CREB5: variants seen among roughly 807,000 people sequenced by gnomAD.
The protein encoded by CREB5 is cAMP responsive element binding protein 5, also known as cyclic AMP-responsive element-binding protein 5.
Under a neutral mutation model 57.1 loss-of-function variants are expected in CREB5, and 19 were observed. The ratio of observed to expected loss-of-function variants is 0.33; its 90% CI spans 0.23 to 0.49. CREB5 has a LOEUF of 0.49. CREB5 is among the 20% of genes least tolerant of loss of function. The pLI is 0.99. For synonymous variants in CREB5, 238 were observed against 238.3 expected, an observed-to-expected ratio of 1.00 and a Z score of 0.01; for missense variants, 579 against 671.6, an observed-to-expected ratio of 0.86 and a Z score of 1.52.
intron 5 of CREB5, among the ~76,000 whole-genome samples, chr7:28,624,850 G>A (rs1797942625): frequency 6.6e-6 from 1 of 152,076 alleles, no homozygotes; most frequent in Non-Finnish European, 1.5e-5. Context: ...GTGAGTGCTT[G>A]GAGCATCAGC....
At chr7:28,638,321 G>A (rs1458150187) in intron 5 of CREB5, among the ~76,000 whole-genome samples, 1 of 83,422 alleles carries the variant, frequency 1.2e-5, no homozygotes, top group Non-Finnish European at 2.5e-5. Flanking sequence ...AGTGAGGGCT[G>A]GTTGCTAGGA....
chr7:28,552,226 C>G (rs928360790), intron 4 of CREB5, among the ~76,000 whole-genome samples: 1 of 152,060 alleles, frequency 6.6e-6, no homozygotes, highest in South Asian at 2.1e-4. Flanking sequence ...TTTGTAGAGA[C>G]GGGGTTTTGC....
intron 1 of CREB5, among the ~76,000 whole-genome samples, chr7:28,344,046 AT>A (rs375288903): frequency 0.014 from 1,849 of 136,282 alleles, 22 homozygotes; most frequent in African/African-American, 0.036. Context: ...GTTTTAATTG[AT>A]TTTTTTTTTT....
At chr7:28,462,841 G>T (rs1413198694) in intron 1 of CREB5, among the ~76,000 whole-genome samples, 1 of 151,912 alleles carries the variant, frequency 6.6e-6, no homozygotes, top group African/African-American at 2.4e-5. Flanking sequence ...TATATGATTT[G>T]CAAATATTTT....
intron 1 of CREB5, among the ~76,000 whole-genome samples, chr7:28,346,620 G>A (rs540253081): frequency 1.3e-5 from 2 of 152,352 alleles, no homozygotes; most frequent in African/African-American, 2.4e-5. Context: ...TGAGTTAGGG[G>A]AATCAGGAAT....
chr7:28,633,732 T>C (rs1468753027), intron 5 of CREB5, among the ~76,000 whole-genome samples: 1 of 152,090 alleles, frequency 6.6e-6, no homozygotes, highest in African/African-American at 2.4e-5. Flanking sequence ...AGAAGGAGGA[T>C]TATAAATGTG....
chr7:28,514,788 T>C (rs1792875616), intron 4 of CREB5, among the ~76,000 whole-genome samples: 2 of 152,200 alleles, frequency 1.3e-5, no homozygotes, highest in Non-Finnish European at 2.9e-5. Flanking sequence ...TGGCCCAAGG[T>C]TTTCAGAGGC....
chr7:28,534,126 A>G (rs1180872269), intron 4 of CREB5, among the ~76,000 whole-genome samples: 2 of 152,130 alleles, frequency 1.3e-5, no homozygotes, highest in East Asian at 3.9e-4. Flanking sequence ...TTTCCAGAAG[A>G]AAAAAATAAG....
intron 5 of CREB5, among the ~76,000 whole-genome samples, chr7:28,663,198 G>T (rs960643842): frequency 6.6e-6 from 1 of 151,534 alleles, no homozygotes; most frequent in Admixed American, 6.6e-5. Context: ...TAGAGGAAAA[G>T]CTCTCCCTTC....
intron 1 of CREB5, among the ~76,000 whole-genome samples, chr7:28,313,745 C>T (rs1232881051): frequency 6.6e-6 from 1 of 152,170 alleles, no homozygotes; most frequent in African/African-American, 2.4e-5. Context: ...ACGGTTTTAA[C>T]ACAGCTTTGT....
At chr7:28,726,376 A>G (rs1803339606) in intron 7 of CREB5, among the ~76,000 whole-genome samples, 1 of 152,108 alleles carries the variant, frequency 6.6e-6, no homozygotes, top group South Asian at 2.1e-4. Flanking sequence ...ATGTTAAGTG[A>G]ATTTGAATAT....
intron 5 of CREB5, among the ~76,000 whole-genome samples, chr7:28,693,742 TG>T (rs1801395873): frequency 6.6e-6 from 1 of 152,206 alleles, no homozygotes; most frequent in African/African-American, 2.4e-5. Flanking sequence ...ATTTATGAAA[TG>T]GAATTCATAA....
At chr7:28,611,489 T>TAAAAAAAAAAAAA (rs59192497) in intron 5 of CREB5, among the ~76,000 whole-genome samples, 28 of 47,982 alleles carry the variant, frequency 5.8e-4, no homozygotes, top group African/African-American at 2.4e-3. Flanking sequence ...CCATCTCTAC[T>TAAAAAAAAAAAAA]AAAAAAAAAA....
chr7:28,481,415 G>T (rs1426645539), intron 1 of CREB5, among the ~76,000 whole-genome samples: 1 of 152,128 alleles, frequency 6.6e-6, no homozygotes. Context: ...CAGGCCTTCT[G>T]GGGGAGACTA....
chr7:28,464,725 G>A (rs1001020982), intron 1 of CREB5, among the ~76,000 whole-genome samples: 7 of 148,910 alleles, frequency 4.7e-5, no homozygotes, highest in African/African-American at 1.8e-4. Flanking sequence ...AAAAAAAAAA[G>A]ACTGCTAAAC....
At chr7:28,618,838 A>G (rs116764435) in intron 5 of CREB5, among the ~76,000 whole-genome samples, 1,747 of 152,358 alleles carry the variant, frequency 0.011, 33 homozygotes, top group African/African-American at 0.041. Context: ...TTAATGAGAA[A>G]GAATAAATTA....
At chr7:28,733,572 T>G (rs1348564600) in intron 7 of CREB5, among the ~76,000 whole-genome samples, 1 of 152,230 alleles carries the variant, frequency 6.6e-6, no homozygotes, top group Non-Finnish European at 1.5e-5. Flanking sequence ...CTGTGAAGTC[T>G]TCTTGCCTTC....
At chr7:28,755,023 T>C (rs971202373) in intron 7 of CREB5, among the ~76,000 whole-genome samples, 2 of 152,150 alleles carry the variant, frequency 1.3e-5, no homozygotes, top group African/African-American at 4.8e-5. Context: ...ATGGGTAAGA[T>C]TGACTCTTTA....
At chr7:28,758,038 G>A (rs966582909) in intron 7 of CREB5, among the ~76,000 whole-genome samples, 7 of 152,062 alleles carry the variant, frequency 4.6e-5, no homozygotes, top group Middle Eastern at 3.2e-3. Flanking sequence ...TAGTGTGGGC[G>A]CAGCAGCAGC....
Sources: gnomAD v4.1 joint callset for allele counts (sites outside exome capture counted in the v4.1 genomes callset) on GRCh38, gnomAD v4.1.1 for gene constraint, MANE v1.5 for transcripts, NCBI Gene and HGNC (gene_info 2026-07-23, HGNC 2026-07-21) for gene names.